Variants in OTUD7B observed in about 807,000 individuals in gnomAD.
OTUD7B encodes the protein OTU deubiquitinase 7B.
In OTUD7B, 34 loss-of-function variants were observed where a neutral mutation model predicts 82.2. That is an observed-to-expected ratio of 0.41 (90% CI 0.31 to 0.55). OTUD7B has a LOEUF of 0.55. Ranked by LOEUF, OTUD7B falls within the 20% of genes least tolerant of loss-of-function variation. OTUD7B has a pLI of 0.20. For missense variants in OTUD7B, 944 were observed against 1,062.1 expected (o/e 0.89, Z 1.55); for synonymous variants, 398 against 402.7 (o/e 0.99, Z 0.14).
chr1:150,029,798 A>T, the OTUD7B span, among the ~76,000 whole-genome samples: 1 of 152,172 alleles, frequency 6.6e-6, no homozygotes, highest in African/African-American at 2.4e-5. Context: ...GTCGTCTCTG[A>T]AATCTTAAAA....
Position 150,003,988 on chromosome 1 carries a change from CTTT to C in OTUD7B, c.-67+6457_-67+6459del, listed in dbSNP as rs374909755. 3.3e-4 allele frequency among the ~76,000 whole-genome samples: 51 copies of C among 152,300 alleles called. 1 individual carries two copies. Among genetic ancestry groups the C allele is most frequent in the African/African-American group, 1.2e-3 (48 of 41,548 alleles). On this transcript the variant is annotated intron_variant, in intron 1 of 11. Transcript: ENST00000581312. ...CAAAATGAGGAAAGCTTCCTAACTT[CTTT>C]ATTTCACTCAATGTCTCAGACACCC...
At chr1:149,982,971 C>A (rs1553780072) in intron 1 of OTUD7B, among the ~76,000 whole-genome samples, 1 of 151,572 alleles carries the variant, frequency 6.6e-6, no homozygotes, top group Non-Finnish European at 1.5e-5. Context: ...CTCAGCCTCC[C>A]GAGTAGCTGG....
At chr1:150,057,173 A>G in the OTUD7B span, among the ~76,000 whole-genome samples, 1 of 152,152 alleles carries the variant, frequency 6.6e-6, no homozygotes, top group African/African-American at 2.4e-5. Context: ...AACATTAGAT[A>G]AACCCATATT....
rs2092748937 is a variant in OTUD7B, at chr1:149,939,695, CGAGGCTGGCG to C, written c.*4152_*4161del. 6.6e-6 allele frequency: 1 copy of C among 152,168 alleles called. No individual in the cohort carries two copies. Among genetic ancestry groups the C allele is most frequent in the African/African-American group, 2.4e-5 (1 of 41,384 alleles). The allele number at this position is 152,168 out of a possible 1,614,324, so 9.4% of individuals were successfully genotyped here. ...CTGTAATCCCAGCACTTTGGGAGGC[CGAGGCTGGCG>C]GATCACCTGAGGTCAGGAGTTCAAG... On this transcript the variant is annotated 3_prime_UTR_variant, in exon 12 of 12. Transcript: ENST00000581312.
chr1:149,950,053 G>T (rs1553772980), intron 8 of OTUD7B, 41 bp downstream of exon 8: 2 of 1,610,970 alleles, frequency 1.2e-6, no homozygotes, highest in Non-Finnish European at 8.5e-7. Context: ...TTTGCAAAAG[G>T]GGGTGCTCAG....
At position 149,965,886 on chromosome 1, in the gene OTUD7B, A is replaced by G. The variant is rs1320516556; in HGVS notation, c.503-8T>C. On this transcript the variant is annotated splice_region_variant and splice_polypyrimidine_tract_variant and intron_variant, in intron 4 of 11. Transcript: ENST00000581312. ...CCCACCAGTTCAAACGCCCTGTAGA[A>G]ACAAGATAGTGGAGGAAAAGGAGAT... The G allele has an allele frequency of 6.2e-7, 1 of 1,608,682 alleles. No homozygotes were observed. The highest frequency in any genetic ancestry group is 2.2e-5 in the East Asian group (1 of 44,856).
chr1:150,027,806 T>A, the OTUD7B span, among the ~76,000 whole-genome samples: 21,149 of 151,966 alleles, frequency 0.14, 1,622 homozygotes, highest in Non-Finnish European at 0.17. Context: ...GAAATAATTA[T>A]ATTCTATTCT....
chr1:150,033,804 C>T, the OTUD7B span, among the ~76,000 whole-genome samples: 1 of 152,116 alleles, frequency 6.6e-6, no homozygotes, highest in African/African-American at 2.4e-5. Context: ...TCACTGCAAC[C>T]TCCACCTCCC....
chr1:149,999,504 A>C, intron 1 of OTUD7B, among the ~76,000 whole-genome samples: 1 of 152,218 alleles, frequency 6.6e-6, no homozygotes, highest in African/African-American at 2.4e-5. Context: ...GTGAGCTACC[A>C]GTTCAAGGGA....
At chr1:150,020,242 A>G in the OTUD7B span, among the ~76,000 whole-genome samples, 1 of 152,022 alleles carries the variant, frequency 6.6e-6, no homozygotes, top group Non-Finnish European at 1.5e-5. Context: ...GAATTGGAAG[A>G]AGGGAATGGC....
intron 1 of OTUD7B, among the ~76,000 whole-genome samples, chr1:149,979,669 AAAATGTCAAATTC>A (rs1405288677): frequency 5.9e-5 from 9 of 152,064 alleles, no homozygotes; most frequent in East Asian, 3.9e-4. Flanking sequence ...TGTCAAATTC[AAAATGTCAAATTC>A]AAATGTCAAA....
intron 1 of OTUD7B, among the ~76,000 whole-genome samples, chr1:149,985,461 C>T (rs781870389): frequency 1.3e-5 from 2 of 152,198 alleles, no homozygotes; most frequent in African/African-American, 2.4e-5. Flanking sequence ...TGCTGGCTCA[C>T]GCCTGGTGGC....
the OTUD7B span, chr1:150,067,216 C>T: frequency 1.3e-5 from 2 of 152,204 alleles, no homozygotes; most frequent in Non-Finnish European, 2.9e-5. Context: ...GCCCCTCTGT[C>T]TTGGGAAAAC....
chr1:150,062,212 G>A, the OTUD7B span, among the ~76,000 whole-genome samples: 1 of 152,176 alleles, frequency 6.6e-6, no homozygotes, highest in Non-Finnish European at 1.5e-5. Context: ...TTGAGTACAA[G>A]AGTATGTACA....
the OTUD7B span, among the ~76,000 whole-genome samples, chr1:150,043,158 G>T: frequency 6.6e-6 from 1 of 151,990 alleles, no homozygotes; most frequent in Non-Finnish European, 1.5e-5. Context: ...ATCTCTAGGG[G>T]GAGGGCTCAG....
the OTUD7B span, among the ~76,000 whole-genome samples, chr1:150,039,729 A>G: frequency 1.3e-5 from 2 of 152,178 alleles, no homozygotes; most frequent in African/African-American, 4.8e-5. Flanking sequence ...TCTTTCTCAT[A>G]TAAGTGTTAC....
At chr1:149,948,519 G>A (rs782513364) in intron 10 of OTUD7B, among the ~76,000 whole-genome samples, 17 of 151,258 alleles carry the variant, frequency 1.1e-4, no homozygotes, top group African/African-American at 3.4e-4. Flanking sequence ...TTACAGGCAC[G>A]CACCACCACG....
At chr1:149,986,977 C>T (rs1316137703) in intron 1 of OTUD7B, among the ~76,000 whole-genome samples, 1 of 152,046 alleles carries the variant, frequency 6.6e-6, no homozygotes, top group Non-Finnish European at 1.5e-5. Flanking sequence ...CTAAAGGGAT[C>T]TATATAACAC....
At chr1:150,041,198 A>G in the OTUD7B span, among the ~76,000 whole-genome samples, 1 of 151,920 alleles carries the variant, frequency 6.6e-6, no homozygotes, top group African/African-American at 2.4e-5. Context: ...TTGGTTTGTT[A>G]TATACTTAGA....
Sources: allele counts gnomAD v4.1 joint callset (sites outside exome capture counted in the v4.1 genomes callset), GRCh38; gene constraint gnomAD v4.1.1; transcripts MANE v1.5; gene names NCBI Gene and HGNC (gene_info 2026-07-23, HGNC 2026-07-21).